Variants in TSGA10 observed in about 807,000 individuals in gnomAD.
TSGA10 encodes testis specific 10.
In TSGA10, 43 loss-of-function variants were observed where a neutral mutation model predicts 96.6. That is an observed-to-expected ratio of 0.44 (90% CI 0.35 to 0.57). The LOEUF is 0.57. Ranked by LOEUF, TSGA10 falls within the 20% of genes least tolerant of loss-of-function variation. The pLI, the probability that TSGA10 is intolerant of heterozygous loss-of-function variation, is 0.01. For synonymous variants in TSGA10, 229 were observed against 269.9 expected (o/e 0.85, Z 1.48); for missense variants, 703 against 834.4 (o/e 0.84, Z 1.94).
rs1372983811 is a variant in TSGA10, at chr2:99,083,732, ACT to A, written c.612-2337_612-2336del. 6.6e-5 allele frequency among the ~76,000 whole-genome samples: 10 copies of A among 152,206 alleles called. 1 individual carries two copies. The East Asian group carries it at 1.9e-3, about 29-fold the overall frequency. ...GAATCTTGAAAATCATGGCTGTATG[ACT>A]CTTCCTATAACATTCTTGAAATGAC... On this transcript the variant is annotated intron_variant, in intron 10 of 20. Transcript: ENST00000393483.
intron 12 of TSGA10, among the ~76,000 whole-genome samples, chr2:99,077,432 C>G (rs370717416): frequency 4.6e-5 from 7 of 152,144 alleles, no homozygotes; most frequent in African/African-American, 1.7e-4. Flanking sequence ...CTAATAAAGC[C>G]CTTATTCCAA....
intron 16 of TSGA10, among the ~76,000 whole-genome samples, chr2:99,047,343 G>A (rs994776927): frequency 2.6e-5 from 4 of 152,252 alleles, no homozygotes; most frequent in Non-Finnish European, 4.4e-5. Context: ...CTGGCAAACC[G>A]AATCCAGCAG....
intron 12 of TSGA10, 25 bp from the exon 13 acceptor site, chr2:99,073,098 A>G: frequency 1.4e-6 from 2 of 1,453,170 alleles, no homozygotes; most frequent in Non-Finnish European, 9.5e-7. Flanking sequence ...TAAGTATTAA[A>G]TAAAAAAATC....
At chr2:99,047,897 A>G (rs1207256341) in intron 16 of TSGA10, among the ~76,000 whole-genome samples, 1 of 152,218 alleles carries the variant, frequency 6.6e-6, no homozygotes, top group African/African-American at 2.4e-5. Context: ...ATCAATGTGC[A>G]AAAATCACAA....
chr2:99,049,620 A>C (rs1316486687), intron 16 of TSGA10, among the ~76,000 whole-genome samples: 1 of 152,030 alleles, frequency 6.6e-6, no homozygotes, highest in Non-Finnish European at 1.5e-5. Context: ...TAGGAGAAAT[A>C]CCTAATGTAG....
At chr2:99,001,891 T>G (rs572974308) in intron 20 of TSGA10, among the ~76,000 whole-genome samples, 90 of 152,132 alleles carry the variant, frequency 5.9e-4, no homozygotes, top group African/African-American at 2.0e-3. Context: ...TATCAGTGAT[T>G]GAAGATCAAA....
At chr2:99,085,066 G>A (rs2088082155) in intron 10 of TSGA10, among the ~76,000 whole-genome samples, 1 of 151,432 alleles carries the variant, frequency 6.6e-6, no homozygotes, top group Non-Finnish European at 1.5e-5. Flanking sequence ...CCTGAACATG[G>A]TGAAACCCTG....
chr2:99,014,788 T>C (rs1323714174), intron 20 of TSGA10, among the ~76,000 whole-genome samples: 1 of 152,040 alleles, frequency 6.6e-6, no homozygotes, highest in South Asian at 2.1e-4. Flanking sequence ...ATTAGCTCAA[T>C]GAGAAATGAA....
intron 2 of TSGA10, chr2:99,125,564 C>T (rs1312520412): frequency 1.3e-5 from 2 of 152,182 alleles, no homozygotes; most frequent in Non-Finnish European, 2.9e-5. Flanking sequence ...TTTCTCAAAT[C>T]TTCCTGATTC....
chr2:99,018,737 G>T, intron 18 of TSGA10, 97 bp from the exon 19 acceptor site: 1 of 1,021,998 alleles, frequency 9.8e-7, no homozygotes, highest in Non-Finnish European at 1.4e-6. Context: ...TTTCTCAGCT[G>T]GATCCAAATC....
chr2:99,025,005 T>G (rs532032643), intron 17 of TSGA10, among the ~76,000 whole-genome samples: 1 of 152,270 alleles, frequency 6.6e-6, no homozygotes, highest in African/African-American at 2.4e-5. Flanking sequence ...ATGGTGTAAA[T>G]TTCGTTTTAT....
At chr2:99,005,027 AC>A (rs2078331782) in intron 20 of TSGA10, among the ~76,000 whole-genome samples, 1 of 152,178 alleles carries the variant, frequency 6.6e-6, no homozygotes, top group South Asian at 2.1e-4. Context: ...TATAAACAGA[AC>A]CAAAGACAAA....
At chr2:99,107,409 A>C (rs1289939687) in intron 7 of TSGA10, among the ~76,000 whole-genome samples, 1 of 152,314 alleles carries the variant, frequency 6.6e-6, no homozygotes, top group East Asian at 1.9e-4. Flanking sequence ...ATAAGGTTAA[A>C]ATTGTAAAAT....
intron 1 of TSGA10, among the ~76,000 whole-genome samples, chr2:99,143,951 C>A (rs1222719429): frequency 6.6e-6 from 1 of 152,132 alleles, no homozygotes; most frequent in African/African-American, 2.4e-5. Context: ...AAAAAAAAAT[C>A]TGGGACTCCA....
At chr2:99,007,293 A>G (rs1210463882) in intron 20 of TSGA10, among the ~76,000 whole-genome samples, 6 of 152,238 alleles carry the variant, frequency 3.9e-5, no homozygotes, top group African/African-American at 9.6e-5. Flanking sequence ...AAGTATAAGA[A>G]TAAATAATAA....
Position 99,064,948 on chromosome 2 carries a change from C to T in TSGA10, c.1395G>A (p.Glu465=). The change falls in exon 16 of 21, where the codon GAG becomes GAA. Residue 465 remains glutamate (E), a synonymous_variant. Transcript: ENST00000393483. ...ATTTTTCCAAACTTACTTGCTCAAC[C>T]TCTCTGTTGAGGGAATCTACTTTTT... The part of the protein sequence containing the change: ...LKEKVDSLNR[E]VEQHLNAERS... 1 of 1,586,570 alleles carries T rather than the reference C, an allele frequency of 6.3e-7. No homozygotes were observed. The highest frequency in any genetic ancestry group is 1.2e-5 in the South Asian group (1 of 84,378).
At chr2:99,123,318 C>T (rs911880022) in intron 2 of TSGA10, among the ~76,000 whole-genome samples, 1 of 152,056 alleles carries the variant, frequency 6.6e-6, no homozygotes, top group East Asian at 1.9e-4. Flanking sequence ...ATTTTTTTAG[C>T]ACCACTTTCT....
chr2:99,004,467 C>A (rs536094555), intron 20 of TSGA10, among the ~76,000 whole-genome samples: 4 of 151,448 alleles, frequency 2.6e-5, no homozygotes, highest in Admixed American at 2.6e-4. Flanking sequence ...GATGTCACCA[C>A]CGATCTCACA....
chr2:99,067,873 T>G (rs2085450711), intron 15 of TSGA10, among the ~76,000 whole-genome samples: 1 of 152,054 alleles, frequency 6.6e-6, no homozygotes, highest in Non-Finnish European at 1.5e-5. Context: ...GCTCTGGATA[T>G]TCATTTATTT....
Sources: allele counts gnomAD v4.1 joint callset (sites outside exome capture counted in the v4.1 genomes callset), GRCh38; gene constraint gnomAD v4.1.1; transcripts MANE v1.5; gene names NCBI Gene and HGNC (gene_info 2026-07-23, HGNC 2026-07-21).